TRPA1: variants seen among roughly 807,000 people sequenced by gnomAD.
TRPA1 encodes the protein ankyrin-like with transmembrane domains 1.
Under a neutral mutation model 131.3 loss-of-function variants are expected in TRPA1, and 129 were observed. That is an observed-to-expected ratio of 0.98 (90% CI 0.85 to 1.14). TRPA1 has a LOEUF of 1.14. Ranked by LOEUF, TRPA1 falls within the 50% of genes most tolerant of loss-of-function variation. The pLI, the probability that TRPA1 is intolerant of heterozygous loss-of-function variation, is 0.00. For missense variants in TRPA1, 1,304 were observed against 1,354.2 expected (o/e 0.96, Z 0.58); for synonymous variants, 441 against 451.7 (o/e 0.98, Z 0.30).
At chr8:72,039,977 C>A (rs1160897379) in intron 17 of TRPA1, among the ~76,000 whole-genome samples, 180 bp from the exon 18 acceptor site, 1 of 151,930 alleles carries the variant, frequency 6.6e-6, no homozygotes, top group Non-Finnish European at 1.5e-5. Context: ...TTAGAGATAA[C>A]CATTTTGTAC....
intron 10 of TRPA1, chr8:72,056,086 GA>G: frequency 1.8e-6 from 1 of 562,970 alleles, no homozygotes; most frequent in Non-Finnish European, 3.2e-6. Flanking sequence ...TGTATTAAAG[GA>G]TCTGAGAGAT....
intron 10 of TRPA1, 146 bp from the exon 11 acceptor site, chr8:72,056,001 A>G: frequency 1.4e-6 from 1 of 711,874 alleles, no homozygotes; most frequent in Non-Finnish European, 2.5e-6. Flanking sequence ...AAAGGATTTG[A>G]GAGTAATATA....
At chr8:72,064,952 A>G (rs1328608613) in intron 4 of TRPA1, among the ~76,000 whole-genome samples, 3 of 152,196 alleles carry the variant, frequency 2.0e-5, no homozygotes, top group African/African-American at 7.2e-5. Flanking sequence ...CTTTGTCATT[A>G]CATCATACAG....
chr8:72,059,548 A>G (rs1805756286), intron 7 of TRPA1, 110 bp from the exon 8 acceptor site: 2 of 672,430 alleles, frequency 3.0e-6, no homozygotes, highest in Admixed American at 2.7e-5. Flanking sequence ...TCATAAAATA[A>G]CATGATAGAA....
intron 9 of TRPA1, among the ~76,000 whole-genome samples, 194 bp from the exon 10 acceptor site, chr8:72,057,211 CTGTATG>C (rs1327763802): frequency 6.6e-6 from 1 of 151,726 alleles, no homozygotes; most frequent in African/African-American, 2.4e-5. Flanking sequence ...GTGTGTGTGT[CTGTATG>C]TGTAAGTGGG....
At chr8:72,027,187 G>C (rs1811638972) in intron 24 of TRPA1, among the ~76,000 whole-genome samples, 1 of 152,042 alleles carries the variant, frequency 6.6e-6, no homozygotes, top group Admixed American at 6.6e-5. Flanking sequence ...CCTCACACTT[G>C]ATTGAAAAAG....
In TRPA1 at chr8:72,057,765, C is replaced by T; in HGVS notation, c.1045G>A (p.Ala349Thr). ...DSEGRSPLILATASASWNIVN... is the reference protein window; with the variant it reads ...DSEGRSPLILTTASASWNIVN... ...ATATTCCAAGATGCAGAAGCAGTTGCTAATATAAGTGGAGAGCGTCCTTCA... is the reference window on the plus strand; with the variant it reads ...ATATTCCAAGATGCAGAAGCAGTTGTTAATATAAGTGGAGAGCGTCCTTCA... The change falls in exon 9 of 27, where the codon GCA (alanine) becomes ACA (threonine). Residue 349 changes from alanine to threonine, a missense_variant. Transcript: ENST00000262209. The T allele has an allele frequency of 3.7e-6, 6 of 1,613,950 alleles. No homozygotes were observed. The highest frequency in any genetic ancestry group is 5.1e-6 in the Non-Finnish European group (6 of 1,179,912).
intron 17 of TRPA1, among the ~76,000 whole-genome samples, chr8:72,045,016 T>C (rs1471488411): frequency 6.6e-6 from 1 of 151,774 alleles, no homozygotes; most frequent in Non-Finnish European, 1.5e-5. Flanking sequence ...GATAGAAGTA[T>C]TGCCTATTTT....
At chr8:72,031,311 T>G (rs1585840268) in intron 23 of TRPA1, among the ~76,000 whole-genome samples, 1 of 152,142 alleles carries the variant, frequency 6.6e-6, no homozygotes, top group East Asian at 1.9e-4. Flanking sequence ...AGGCGCAGCA[T>G]TTTACATCTG....
At chr8:72,078,166 A>G (rs188705482), upstream of TRPA1, among the ~76,000 whole-genome samples, 3 of 152,058 alleles carry the variant, frequency 2.0e-5, no homozygotes, top group Admixed American at 2.0e-4. Flanking sequence ...AATTATAAAA[A>G]TATTTATTTT....
At chr8:72,039,622 C>A in intron 18 of TRPA1, 105 bp downstream of exon 18, 1 of 807,432 alleles carries the variant, frequency 1.2e-6, no homozygotes, top group Non-Finnish European at 2.1e-6. Flanking sequence ...ATTAAAATAA[C>A]AAAAGCTAAA....
rs935236716 is a variant in TRPA1, at chr8:72,054,019, T to C, written c.1530-152A>G. ...ATATTTATAAAACATTTATAATAAA[T>C]GAGCTAATTCCAAGCTCAATGATCT... On this transcript the variant is annotated intron_variant, in intron 12 of 26. Coordinates refer to ENST00000262209, the MANE Select transcript of TRPA1 (RefSeq NM_007332.3). The C allele has an allele frequency of 1.2e-5, 8 of 652,948 alleles. No individual in the cohort carries two copies. In the African/African-American group the frequency reaches 1.4e-4, roughly 12 times the overall value. 40.4% of individuals were successfully genotyped at this position (652,948 alleles called of 1,614,324 possible).
At chr8:72,031,555 G>T (rs1811815488) in intron 23 of TRPA1, among the ~76,000 whole-genome samples, 1 of 150,670 alleles carries the variant, frequency 6.6e-6, no homozygotes, top group Admixed American at 6.6e-5. Context: ...TCTAGCCTGG[G>T]TCACAGAATG....
chr8:72,037,422 G>A (rs759685664), intron 20 of TRPA1, among the ~76,000 whole-genome samples: 19 of 152,044 alleles, frequency 1.2e-4, no homozygotes, highest in Non-Finnish European at 2.1e-4. Flanking sequence ...GGTAGGACCT[G>A]CAGATAATTT....
chr8:72,030,602 T>C (rs1481269652), intron 23 of TRPA1, among the ~76,000 whole-genome samples: 3 of 152,174 alleles, frequency 2.0e-5, no homozygotes, highest in Non-Finnish European at 2.9e-5. Context: ...TCATTTAAGA[T>C]AAAAATCTGT....
At chr8:72,081,818 C>T in the TRPA1 span, among the ~76,000 whole-genome samples, 2 of 151,742 alleles carry the variant, frequency 1.3e-5, no homozygotes, top group Non-Finnish European at 3.0e-5. Context: ...ATCACTTATG[C>T]TTACCATTCA....
intron 20 of TRPA1, among the ~76,000 whole-genome samples, chr8:72,037,668 T>A (rs1812103147): frequency 6.6e-6 from 1 of 152,058 alleles, no homozygotes; most frequent in Non-Finnish European, 1.5e-5. Flanking sequence ...AATGTAACCA[T>A]TATGTTAGCA....
At chr8:72,057,482 A>G (rs1335721327) in intron 9 of TRPA1, among the ~76,000 whole-genome samples, 1 of 152,206 alleles carries the variant, frequency 6.6e-6, no homozygotes, top group Non-Finnish European at 1.5e-5. Context: ...TTGCTTTATA[A>G]ATGTTCTCTA....
At chr8:72,080,539 T>G (rs530683646), upstream of TRPA1, among the ~76,000 whole-genome samples, 2 of 151,952 alleles carry the variant, frequency 1.3e-5, no homozygotes, top group African/African-American at 4.8e-5. Flanking sequence ...GTTGCCTCTT[T>G]TTGTGATATC....
Sources: gnomAD v4.1 joint callset for allele counts (sites outside exome capture counted in the v4.1 genomes callset) on GRCh38, gnomAD v4.1.1 for gene constraint, MANE v1.5 for transcripts, NCBI Gene and HGNC (gene_info 2026-07-23, HGNC 2026-07-21) for gene names.